The following ANKS1B variants were observed in gnomAD, a reference collection of about 807,000 sequenced individuals.
ANKS1B encodes the protein ankyrin repeat and sterile alpha motif domain-containing protein 1B.
Under a neutral mutation model 148.3 loss-of-function variants are expected in ANKS1B, and 36 were observed. That is an observed-to-expected ratio of 0.24 (90% CI 0.19 to 0.32). The LOEUF is 0.32. ANKS1B is among the 10% of genes least tolerant of loss of function. The pLI is 1.00. For missense variants in ANKS1B, 1,157 were observed against 1,542.6 expected (o/e 0.75, Z 4.19); for synonymous variants, 542 against 560.8 (o/e 0.97, Z 0.47).
intron 12 of ANKS1B, among the ~76,000 whole-genome samples, chr12:99,319,479 A>G (rs1183907882): frequency 6.6e-6 from 1 of 152,154 alleles, no homozygotes; most frequent in African/African-American, 2.4e-5. Context: ...TTTATCAGAG[A>G]CTAGGACTGC....
At chr12:99,283,538 C>A (rs2078742621) in intron 12 of ANKS1B, among the ~76,000 whole-genome samples, 1 of 152,156 alleles carries the variant, frequency 6.6e-6, no homozygotes, top group Non-Finnish European at 1.5e-5. Flanking sequence ...AGTTCTTTAT[C>A]ACCTGGCAGG....
intron 8 of ANKS1B, among the ~76,000 whole-genome samples, chr12:99,694,307 T>G (rs2053574114): frequency 6.6e-6 from 1 of 151,110 alleles, no homozygotes; most frequent in African/African-American, 2.4e-5. Context: ...GGCACAGTGG[T>G]AGGTACCTGT....
intron 19 of ANKS1B, among the ~76,000 whole-genome samples, chr12:98,815,806 C>T (rs1294705947): frequency 2.0e-5 from 3 of 152,176 alleles, no homozygotes; most frequent in Non-Finnish European, 2.9e-5. Flanking sequence ...CTCCAAGCTA[C>T]TCCCTTTTCT....
chr12:99,558,107 G>A (rs2097296394), intron 9 of ANKS1B, among the ~76,000 whole-genome samples: 1 of 152,174 alleles, frequency 6.6e-6, no homozygotes, highest in Non-Finnish European at 1.5e-5. Context: ...CTTCATCAGA[G>A]CAATGGCAGA....
At chr12:99,151,527 CAAAA>C (rs10710183) in intron 15 of ANKS1B, among the ~76,000 whole-genome samples, 1 of 135,686 alleles carries the variant, frequency 7.4e-6, no homozygotes. Flanking sequence ...GACTCCCACT[CAAAA>C]AAAAAAAAAA....
intron 9 of ANKS1B, among the ~76,000 whole-genome samples, chr12:99,646,329 A>G (rs1464674234): frequency 2.0e-5 from 3 of 152,176 alleles, no homozygotes; most frequent in South Asian, 2.1e-4. Context: ...TCAATATGAA[A>G]GGAAGAAATT....
chr12:99,864,882 A>G (rs2090527082), intron 1 of ANKS1B, among the ~76,000 whole-genome samples: 3 of 152,226 alleles, frequency 2.0e-5, no homozygotes, highest in South Asian at 2.1e-4. Context: ...ACCTGCAAAG[A>G]TCCTGAGTTA....
chr12:99,672,052 T>A (rs1047455062), intron 8 of ANKS1B, among the ~76,000 whole-genome samples: 4 of 152,136 alleles, frequency 2.6e-5, no homozygotes, highest in Admixed American at 2.6e-4. Flanking sequence ...TTCAAAAACA[T>A]GGCAATATCC....
intron 9 of ANKS1B, among the ~76,000 whole-genome samples, chr12:99,553,597 C>T (rs1261354724): frequency 6.6e-6 from 1 of 152,160 alleles, no homozygotes; most frequent in Non-Finnish European, 1.5e-5. Flanking sequence ...CAATATATAA[C>T]AGAATTAATG....
At chr12:98,862,365 C>T (rs546301186) in intron 17 of ANKS1B, among the ~76,000 whole-genome samples, 13 of 152,238 alleles carry the variant, frequency 8.5e-5, no homozygotes, top group African/African-American at 2.9e-4. Flanking sequence ...TAATCCCATT[C>T]TCAAAGGGTT....
chr12:99,408,047 C>CATGA (rs1408901884), intron 11 of ANKS1B, among the ~76,000 whole-genome samples: 4 of 145,704 alleles, frequency 2.7e-5, no homozygotes, highest in Non-Finnish European at 6.1e-5. Context: ...AATAAGCCAT[C>CATGA]ATGAGCAAAA....
intron 1 of ANKS1B, among the ~76,000 whole-genome samples, chr12:99,858,530 A>G (rs1307727615): frequency 2.0e-5 from 3 of 152,166 alleles, no homozygotes; most frequent in Admixed American, 2.0e-4. Flanking sequence ...CTGGGTATCT[A>G]CCCAGAGAAA....
At chr12:99,322,177 T>TA (rs375357121) in intron 12 of ANKS1B, among the ~76,000 whole-genome samples, 2 of 151,826 alleles carry the variant, frequency 1.3e-5, no homozygotes, top group African/African-American at 4.8e-5. Context: ...TATGCAGCCA[T>TA]AAAAAAATGA....
intron 19 of ANKS1B, among the ~76,000 whole-genome samples, chr12:98,818,590 A>G (rs1477932764): frequency 6.6e-6 from 1 of 152,178 alleles, no homozygotes; most frequent in Non-Finnish European, 1.5e-5. Flanking sequence ...TCTGGATGCT[A>G]TCAAACGTTT....
intron 9 of ANKS1B, among the ~76,000 whole-genome samples, chr12:99,639,061 T>C (rs951371091): frequency 6.9e-6 from 1 of 144,806 alleles, no homozygotes; most frequent in Non-Finnish European, 1.5e-5. Flanking sequence ...AAGTTTGCTC[T>C]AGGGGCAGAG....
chr12:99,215,681 C>A (rs974639092), intron 14 of ANKS1B, among the ~76,000 whole-genome samples: 1 of 152,196 alleles, frequency 6.6e-6, no homozygotes, highest in Non-Finnish European at 1.5e-5. Context: ...GGGCCTGTAG[C>A]CCCCTTGTTT....
chr12:99,715,944 C>A (rs2057261278), intron 8 of ANKS1B, among the ~76,000 whole-genome samples: 1 of 152,204 alleles, frequency 6.6e-6, no homozygotes, highest in Non-Finnish European at 1.5e-5. Flanking sequence ...GGGAAGCCAG[C>A]CTTCCCTTCA....
intron 19 of ANKS1B, among the ~76,000 whole-genome samples, chr12:98,816,265 A>G (rs1218405098): frequency 6.6e-6 from 1 of 152,090 alleles, no homozygotes; most frequent in Non-Finnish European, 1.5e-5. Context: ...ACTCTATAAA[A>G]GAATTATTCT....
intron 14 of ANKS1B, among the ~76,000 whole-genome samples, chr12:99,228,845 A>G (rs1051318057): frequency 6.6e-5 from 10 of 151,990 alleles, no homozygotes; most frequent in African/African-American, 2.4e-4. Context: ...AACAGTATTC[A>G]CTTAGGAAAT....
Sources: gnomAD v4.1 joint callset for allele counts (sites outside exome capture counted in the v4.1 genomes callset) on GRCh38, gnomAD v4.1.1 for gene constraint, MANE v1.5 for transcripts, NCBI Gene and HGNC (gene_info 2026-07-23, HGNC 2026-07-21) for gene names.